USH2A: variants seen among roughly 807,000 people sequenced by gnomAD.
USH2A encodes usherin, also known as Usher syndrome 2A (autosomal recessive, mild).
In USH2A, 443 loss-of-function variants were observed where a neutral mutation model predicts 538.9. The ratio of observed to expected loss-of-function variants is 0.82; its 90% CI spans 0.76 to 0.89. USH2A has a LOEUF of 0.89. Ranked by LOEUF, USH2A falls within the 40% of genes least tolerant of loss-of-function variation. The probability of loss-of-function intolerance (pLI) is 0.00; values close to 1 mark genes in which losing one functional copy is unlikely to be tolerated. For missense variants in USH2A, 6,633 were observed against 6,324.8 expected (o/e 1.05, Z -1.65); for synonymous variants, 2,413 against 2,273.5 (o/e 1.06, Z -1.75).
chr1:215,727,961 A>G (rs555720448), intron 61 of USH2A, 69 bp downstream of exon 61: 1 of 1,541,740 alleles, frequency 6.5e-7, no homozygotes, highest in African/African-American at 1.4e-5. Context: ...GAGAAGTTGG[A>G]CAAGAAAATT....
Position 216,190,202 on chromosome 1 carries a change from T to C in USH2A, c.4396+21A>G, listed in dbSNP as rs767105814. The C allele has an allele frequency of 7.3e-5, 118 of 1,611,590 alleles. 2 individuals are homozygous for C. In the Admixed American group the frequency reaches 9.4e-4, roughly 13 times the overall value. Reference sequence around the variant, plus strand: ...TTCTTGATAGGCAACAGATTTTTCATATCCATTAAAACTTGCTTACCTGCT... The same window carrying C: ...TTCTTGATAGGCAACAGATTTTTCACATCCATTAAAACTTGCTTACCTGCT... On this transcript the variant is annotated intron_variant, in intron 20 of 71. Coordinates refer to ENST00000307340, the MANE Select transcript of USH2A (RefSeq NM_206933.4).
rs1442939095 is a variant in USH2A, at chr1:216,253,383, C to T, written c.1972-2285G>A. ...GTTTCACCATGTTGGTCAGGCTGGT[C>T]CTGAACTCCTGACCTCAGGTGATCT... On this transcript the variant is annotated intron_variant, in intron 11 of 71. Coordinates refer to ENST00000307340, the MANE Select transcript of USH2A (RefSeq NM_206933.4). Among the ~76,000 whole-genome samples the T allele has an allele frequency of 3.9e-5, 6 of 152,136 alleles. No homozygotes were observed. In the East Asian group the frequency reaches 1.2e-3, roughly 30 times the overall value.
At position 215,648,726 on chromosome 1, in the gene USH2A, A is replaced by C. The variant is rs199851839; in HGVS notation, c.14384T>G (p.Leu4795Arg). The C allele has an allele frequency of 3.7e-6, 6 of 1,614,196 alleles. No homozygotes were observed. Among genetic ancestry groups the C allele is most frequent in the Non-Finnish European group, 5.1e-6 (6 of 1,180,038 alleles). ...AATAGAGTAGTTAGTGAAGGCTTGAAGGCCATGGAGAGTCTGCTGGGTGGC... is the reference window on the plus strand; with the variant it reads ...AATAGAGTAGTTAGTGAAGGCTTGACGGCCATGGAGAGTCTGCTGGGTGGC... ...GMATQQTLHG[L>R]QAFTNYSIGV... Residue 4795 changes from leucine (L) to arginine (R), a missense_variant, in exon 66 of 72, where the codon CTT (leucine) becomes CGT (arginine). Leu to Arg is a moderately radical substitution (Grantham distance 102). Transcript: ENST00000307340.
chr1:216,067,558 A>T (rs1312465701), intron 30 of USH2A, among the ~76,000 whole-genome samples: 2 of 151,884 alleles, frequency 1.3e-5, no homozygotes, highest in Non-Finnish European at 2.9e-5. Flanking sequence ...CAGGAAAAAG[A>T]TGGTAGTAGT....
At chr1:216,016,554 C>G (rs538330747) in intron 32 of USH2A, among the ~76,000 whole-genome samples, 1 of 152,154 alleles carries the variant, frequency 6.6e-6, no homozygotes, top group Non-Finnish European at 1.5e-5. Flanking sequence ...CATCTCCTGA[C>G]TCTCTTCAAC....
intron 69 of USH2A, among the ~76,000 whole-genome samples, chr1:215,637,738 T>C (rs1278090950): frequency 6.6e-6 from 1 of 152,184 alleles, no homozygotes; most frequent in Non-Finnish European, 1.5e-5. Flanking sequence ...ATAATATACA[T>C]GTTTCATCAT....
chr1:216,265,327 TA>T lies in USH2A; in HGVS notation c.1972-14230del, dbSNP rs993561850. Among the ~76,000 whole-genome samples the T allele has an allele frequency of 5.9e-5, 9 of 151,998 alleles. No homozygotes were observed. In the East Asian group the frequency reaches 1.7e-3, roughly 29 times the overall value. ...ATCTTTTCCCAGTTAAAATATGTTA[TA>T]AAAATGACAAAAAATAACAAATGCT... On this transcript the variant is annotated intron_variant, in intron 11 of 71. Coordinates refer to ENST00000307340, the MANE Select transcript of USH2A (RefSeq NM_206933.4).
At chr1:215,666,201 T>C (rs1224022454) in intron 64 of USH2A, among the ~76,000 whole-genome samples, 2 of 152,166 alleles carry the variant, frequency 1.3e-5, no homozygotes, top group Admixed American at 6.5e-5. Context: ...TGGTGAACTT[T>C]ACTCTTACCA....
chr1:216,233,071 A>G (rs2035733293), intron 13 of USH2A, among the ~76,000 whole-genome samples: 1 of 152,108 alleles, frequency 6.6e-6, no homozygotes, highest in Non-Finnish European at 1.5e-5. Context: ...TCCAAAGTGC[A>G]GTTTGGACAT....
intron 13 of USH2A, among the ~76,000 whole-genome samples, chr1:216,236,369 T>C (rs1419364087): frequency 1.3e-5 from 2 of 152,312 alleles, no homozygotes; most frequent in East Asian, 3.9e-4. Flanking sequence ...TGTATATTTC[T>C]AATATGGCTC....
At chr1:216,406,515 A>T (rs2039396445) in intron 3 of USH2A, among the ~76,000 whole-genome samples, 2 of 152,160 alleles carry the variant, frequency 1.3e-5, no homozygotes, top group South Asian at 2.1e-4. Flanking sequence ...TGGTTTTAAA[A>T]ATATGCAAAC....
At chr1:216,231,066 C>G (rs2035667877) in intron 14 of USH2A, among the ~76,000 whole-genome samples, 1 of 150,134 alleles carries the variant, frequency 6.7e-6, no homozygotes, top group Admixed American at 6.7e-5. Context: ...TCATAATATA[C>G]TTTACATACT....
chr1:215,856,980 A>G (rs1288543378), intron 44 of USH2A, among the ~76,000 whole-genome samples: 2 of 152,032 alleles, frequency 1.3e-5, no homozygotes, highest in African/African-American at 4.8e-5. Flanking sequence ...AAAACCAAAC[A>G]TCATATGTTC....
chr1:215,708,141 CA>C (rs1558063351), intron 61 of USH2A, among the ~76,000 whole-genome samples: 2 of 152,126 alleles, frequency 1.3e-5, no homozygotes, highest in African/African-American at 4.8e-5. Flanking sequence ...GACCAATTTG[CA>C]AAAGTTGTAT....
rs1369422361 is a variant in USH2A, at chr1:216,207,400, T to A, written c.3189A>T (p.Gln1063His). Residue 1063 changes from glutamine (Q) to histidine (H), a missense_variant, in exon 16 of 72, where the codon CAA becomes CAT. Physicochemically the swap from Gln to His is conservative, Grantham distance 24. Transcript: ENST00000307340. The part of the protein sequence containing the change: ...TPFQQPPPRG[Q>H]VQSSSAINLS... ...GATTGATAGCAGAAGAACTTTGAAC[T>A]TGTCCTCTGGGCGGAGGTTGCTGGA... 2 of 1,613,924 alleles carry A rather than the reference T, an allele frequency of 1.2e-6. No individual in the cohort carries two copies. Among genetic ancestry groups the A allele is most frequent in the Non-Finnish European group, 8.5e-7 (1 of 1,179,946 alleles).
intron 30 of USH2A, 86 bp from the exon 31 acceptor site, chr1:216,048,733 A>G (rs2030631813): frequency 8.9e-7 from 1 of 1,118,186 alleles, no homozygotes; most frequent in Non-Finnish European, 1.4e-6. Context: ...GTGTGTGTCT[A>G]TAAGAGAGAG....
intron 69 of USH2A, among the ~76,000 whole-genome samples, chr1:215,636,112 C>A (rs981756490): frequency 6.6e-6 from 1 of 152,108 alleles, no homozygotes; most frequent in Admixed American, 6.5e-5. Context: ...AAATCTAATA[C>A]CCACAGCCAG....
At chr1:215,970,832 C>T in intron 35 of USH2A, 56 bp from the exon 36 acceptor site, 1 of 1,555,844 alleles carries the variant, frequency 6.4e-7, no homozygotes, top group East Asian at 2.2e-5. Flanking sequence ...CAAAGAAGGT[C>T]TTAAGAAAGC....
chr1:215,892,834 C>T (rs139340658), intron 40 of USH2A, among the ~76,000 whole-genome samples: 156 of 152,172 alleles, frequency 1.0e-3, no homozygotes, highest in African/African-American at 3.7e-3. Flanking sequence ...CCTCTGAAGG[C>T]TAAAAGGCTG....
Sources: gnomAD v4.1 joint callset for allele counts (sites outside exome capture counted in the v4.1 genomes callset) on GRCh38, gnomAD v4.1.1 for gene constraint, MANE v1.5 for transcripts, NCBI Gene and HGNC (gene_info 2026-07-23, HGNC 2026-07-21) for gene names.